Variants in PXDNL observed in about 807,000 individuals in gnomAD.
The protein encoded by PXDNL is probable oxidoreductase PXDNL.
PXDNL carries 145 observed loss-of-function variants against 150.8 expected under a neutral mutation model. The observed-to-expected ratio is 0.96, with a 90% CI of 0.84 to 1.10. PXDNL has a LOEUF of 1.10. Ranked by LOEUF, PXDNL falls within the 50% of genes least tolerant of loss-of-function variation. The probability of loss-of-function intolerance (pLI) is 0.00; values close to 1 mark genes in which losing one functional copy is unlikely to be tolerated. For synonymous variants in PXDNL, 757 were observed against 725.7 expected (o/e 1.04, Z -0.69); for missense variants, 2,087 against 1,873.9 (o/e 1.11, Z -2.10).
chr8:51,577,987 GAAAGAAAGAAAGAGGAAGGAAGGAAGGA>G (rs1563471108), intron 3 of PXDNL, among the ~76,000 whole-genome samples: 97 of 70,668 alleles, frequency 1.4e-3, no homozygotes, highest in Non-Finnish European at 1.3e-3. Context: ...AAGAAAGAAA[GAAAGAAAGAAAGAGGAAGGAAGGAAGGA>G]AGGAAGGAAG....
rs530208744 is a variant in PXDNL, at chr8:51,486,484, A to G, written c.453-2770T>C. On this transcript the variant is annotated intron_variant, in intron 5 of 22. Coordinates refer to ENST00000356297, the MANE Select transcript of PXDNL (RefSeq NM_144651.5). Reference sequence around the variant, plus strand: ...GTATAAAGGAAAAATTATGATAATAATAACTGTCATTGGTTATCTCCTAGA... The same window carrying G: ...GTATAAAGGAAAAATTATGATAATAGTAACTGTCATTGGTTATCTCCTAGA... Among the ~76,000 whole-genome samples the G allele has an allele frequency of 3.9e-5, 6 of 152,124 alleles. No homozygotes were observed. The South Asian group carries it at 1.2e-3, about 32-fold the overall frequency.
At chr8:51,765,271 T>C (rs2037215755) in intron 1 of PXDNL, among the ~76,000 whole-genome samples, 1 of 152,194 alleles carries the variant, frequency 6.6e-6, no homozygotes, top group Admixed American at 6.5e-5. Context: ...TGGTAGTTAA[T>C]AAGTCTCATG....
At chr8:51,703,741 T>C (rs970783163) in intron 1 of PXDNL, among the ~76,000 whole-genome samples, 9 of 152,214 alleles carry the variant, frequency 5.9e-5, no homozygotes, top group Non-Finnish European at 1.3e-4. Flanking sequence ...TCTATTTAAT[T>C]TAATGTGTTC....
At position 51,398,752 on chromosome 8, in the gene PXDNL, C is replaced by T. The variant is rs145677056; in HGVS notation, c.3557+9315G>A. ...GTAATTGATATGCATTTAGAAATTA[C>T]GAGACAGAGAAGGAAGCAAAATTGG... On this transcript the variant is annotated intron_variant, in intron 17 of 22. Transcript: ENST00000356297. 4.5e-4 allele frequency among the ~76,000 whole-genome samples: 69 copies of T among 152,128 alleles called. No homozygotes were observed. The East Asian group carries it at 0.011, about 25-fold the overall frequency.
intron 1 of PXDNL, among the ~76,000 whole-genome samples, chr8:51,737,468 T>C (rs575958098): frequency 3.3e-5 from 5 of 152,352 alleles, no homozygotes; most frequent in African/African-American, 9.6e-5. Flanking sequence ...GGCATTAATG[T>C]GCATTTCTTC....
chr8:51,773,516 C>A (rs1425906023), intron 1 of PXDNL, among the ~76,000 whole-genome samples: 1 of 152,204 alleles, frequency 6.6e-6, no homozygotes, highest in East Asian at 1.9e-4. Context: ...AACTAGACAC[C>A]AAAAAGGAAG....
chr8:51,560,640 C>T (rs1239431466), intron 3 of PXDNL, among the ~76,000 whole-genome samples: 1 of 151,732 alleles, frequency 6.6e-6, no homozygotes, highest in African/African-American at 2.4e-5. Flanking sequence ...GTACCATATA[C>T]AAAAATTAAC....
At chr8:51,628,009 T>G (rs1814398867) in intron 2 of PXDNL, among the ~76,000 whole-genome samples, 1 of 152,118 alleles carries the variant, frequency 6.6e-6, no homozygotes. Context: ...CAGGGACATG[T>G]GGGCACAAGA....
At chr8:51,641,701 AAAC>A (rs1814759821) in intron 2 of PXDNL, among the ~76,000 whole-genome samples, 2 of 151,718 alleles carry the variant, frequency 1.3e-5, no homozygotes, top group African/African-American at 4.8e-5. Flanking sequence ...AAAAGTCAGG[AAAC>A]AACAGGTGCT....
At chr8:51,493,975 T>A (rs1385177394) in intron 5 of PXDNL, among the ~76,000 whole-genome samples, 2 of 152,026 alleles carry the variant, frequency 1.3e-5, no homozygotes, top group South Asian at 4.2e-4. Context: ...AGACACATAA[T>A]TGTCAGATTC....
chr8:51,358,784 CT>C (rs1289963222), intron 19 of PXDNL, among the ~76,000 whole-genome samples: 2 of 152,170 alleles, frequency 1.3e-5, no homozygotes, highest in Non-Finnish European at 2.9e-5. Context: ...CAGGCCTCCC[CT>C]GGGCAAGTGG....
chr8:51,542,507 AAAAG>A (rs1459094385), intron 4 of PXDNL, among the ~76,000 whole-genome samples: 4 of 151,684 alleles, frequency 2.6e-5, no homozygotes, highest in South Asian at 2.1e-4. Context: ...AAAAAAAAAA[AAAAG>A]AGAGAGAGAG....
At chr8:51,587,742 A>G (rs1457619414) in intron 3 of PXDNL, among the ~76,000 whole-genome samples, 1 of 152,156 alleles carries the variant, frequency 6.6e-6, no homozygotes, top group Non-Finnish European at 1.5e-5. Context: ...CTTAAGATTA[A>G]CTCAACATAA....
chr8:51,667,301 A>C (rs1815405794), intron 1 of PXDNL, among the ~76,000 whole-genome samples: 1 of 152,182 alleles, frequency 6.6e-6, no homozygotes, highest in Non-Finnish European at 1.5e-5. Flanking sequence ...GTGTTCATTC[A>C]ACAAAAAGAT....
chr8:51,738,145 C>A (rs1372910787), intron 1 of PXDNL, among the ~76,000 whole-genome samples: 3 of 152,212 alleles, frequency 2.0e-5, no homozygotes, highest in Admixed American at 1.3e-4. Context: ...TTATCCCACC[C>A]ACAATACAAA....
At chr8:51,370,010 C>T (rs1488777619) in intron 19 of PXDNL, among the ~76,000 whole-genome samples, 1 of 152,238 alleles carries the variant, frequency 6.6e-6, no homozygotes, top group African/African-American at 2.4e-5. Flanking sequence ...GTGCCATGCA[C>T]CTACCCTACA....
intron 1 of PXDNL, among the ~76,000 whole-genome samples, chr8:51,799,247 G>A (rs2037593885): frequency 6.6e-6 from 1 of 152,140 alleles, no homozygotes. Context: ...GGGCAGGGCA[G>A]GGAGGGAGAG....
At chr8:51,809,147 G>A (rs773808062) in intron 1 of PXDNL, 34 bp downstream of exon 1, 2 of 1,610,476 alleles carry the variant, frequency 1.2e-6, no homozygotes, top group East Asian at 4.5e-5. Context: ...AAGCATTGGG[G>A]AAGAGGGTTT....
chr8:51,346,631 C>T (rs1282782917), intron 19 of PXDNL, among the ~76,000 whole-genome samples: 1 of 152,122 alleles, frequency 6.6e-6, no homozygotes, highest in Non-Finnish European at 1.5e-5. Context: ...GTGGGAGCGG[C>T]TCCCTCACGT....
Sources: allele counts gnomAD v4.1 joint callset (sites outside exome capture counted in the v4.1 genomes callset), GRCh38; gene constraint gnomAD v4.1.1; transcripts MANE v1.5; gene names NCBI Gene and HGNC (gene_info 2026-07-23, HGNC 2026-07-21).